Variants in C12orf42 observed in about 807,000 individuals in gnomAD.
C12orf42 encodes the protein uncharacterized protein C12orf42.
In C12orf42, 25 loss-of-function variants were observed where a neutral mutation model predicts 21.6. The observed-to-expected ratio is 1.16, with a 90% confidence interval of 0.84 to 1.62. C12orf42 has a LOEUF of 1.62. Ranked by LOEUF, C12orf42 falls within the 40% of genes most tolerant of loss-of-function variation. The probability of loss-of-function intolerance (pLI) is 0.00; values close to 1 mark genes in which losing one functional copy is unlikely to be tolerated. For synonymous variants in C12orf42, 174 were observed against 175.0 expected (o/e 0.99, Z 0.05); for missense variants, 483 against 459.3 (o/e 1.05, Z -0.47).
chr12:103,355,060 T>A (rs1445316013), intron 4 of C12orf42, among the ~76,000 whole-genome samples: 3 of 152,152 alleles, frequency 2.0e-5, no homozygotes, highest in Non-Finnish European at 2.9e-5. Context: ...CAAATAAAAA[T>A]TTAAAAATAA....
At chr12:103,057,919 G>GTAGT in the C12orf42 span, among the ~76,000 whole-genome samples, 1 of 150,046 alleles carries the variant, frequency 6.7e-6, no homozygotes, top group South Asian at 2.1e-4. Flanking sequence ...GTACCTCATT[G>GTAGT]TAGTTTTGAT....
chr12:103,277,334 T>C (rs1284678482), intron 4 of C12orf42: 1 of 255,660 alleles, frequency 3.9e-6, no homozygotes, highest in African/African-American at 2.3e-5. Flanking sequence ...AACTATATTT[T>C]CCAAAAAAAT....
intron 10 of C12orf42, among the ~76,000 whole-genome samples, chr12:103,256,181 CAT>C (rs1226594168): frequency 8.7e-6 from 1 of 114,680 alleles, no homozygotes; most frequent in East Asian, 2.5e-4. Context: ...CATATATATA[CAT>C]ATATATACAC....
chr12:103,144,717 A>G, the C12orf42 span, among the ~76,000 whole-genome samples: 3 of 152,190 alleles, frequency 2.0e-5, no homozygotes, highest in African/African-American at 7.2e-5. Flanking sequence ...AGAATTCACA[A>G]CTTAAAACAA....
At chr12:103,332,283 G>A (rs1275566301) in intron 4 of C12orf42, among the ~76,000 whole-genome samples, 1 of 152,130 alleles carries the variant, frequency 6.6e-6, no homozygotes, top group African/African-American at 2.4e-5. Flanking sequence ...CTTGCTCCAA[G>A]TTCATAAAGT....
At chr12:103,114,064 C>T in the C12orf42 span, among the ~76,000 whole-genome samples, 20 of 151,856 alleles carry the variant, frequency 1.3e-4, no homozygotes, top group African/African-American at 3.4e-4. Flanking sequence ...ATCAGAAAAC[C>T]TACTAGAAAA....
the C12orf42 span, among the ~76,000 whole-genome samples, chr12:103,196,817 G>A: frequency 1.3e-5 from 2 of 151,992 alleles, no homozygotes; most frequent in African/African-American, 2.4e-5. Flanking sequence ...GTCATTGAAT[G>A]TGAGAGGGTC....
At chr12:103,532,282 GAAA>G in the C12orf42 span, among the ~76,000 whole-genome samples, 1 of 152,106 alleles carries the variant, frequency 6.6e-6, no homozygotes, top group African/African-American at 2.4e-5. Context: ...AACCAGGTGA[GAAA>G]ATAATATGTA....
the C12orf42 span, among the ~76,000 whole-genome samples, chr12:103,218,921 G>A: frequency 4.6e-5 from 7 of 152,290 alleles, no homozygotes; most frequent in African/African-American, 1.4e-4. Context: ...CTCTGAACAC[G>A]TAGAAGAGAT....
the C12orf42 span, among the ~76,000 whole-genome samples, chr12:103,154,157 G>A: frequency 6.6e-6 from 1 of 151,998 alleles, no homozygotes; most frequent in Admixed American, 6.6e-5. Context: ...TATCAAGCTG[G>A]TGGCTACTCT....
the C12orf42 span, among the ~76,000 whole-genome samples, chr12:103,190,057 C>T: frequency 1.3e-5 from 2 of 151,990 alleles, no homozygotes; most frequent in South Asian, 4.2e-4. Context: ...GGCAATGTCC[C>T]ATCATAGGAG....
intron 4 of C12orf42, among the ~76,000 whole-genome samples, chr12:103,318,649 C>T (rs2039775161): frequency 6.6e-6 from 1 of 152,172 alleles, no homozygotes. Flanking sequence ...GAATTGCTTA[C>T]AAACTGTATA....
chr12:103,329,064 A>G (rs964766770), intron 4 of C12orf42, among the ~76,000 whole-genome samples: 5 of 152,182 alleles, frequency 3.3e-5, no homozygotes, highest in African/African-American at 1.2e-4. Context: ...GGATGCAGGC[A>G]TGCATTTAGA....
At chr12:103,362,052 C>A (rs2044163231) in intron 4 of C12orf42, among the ~76,000 whole-genome samples, 1 of 152,144 alleles carries the variant, frequency 6.6e-6, no homozygotes, top group African/African-American at 2.4e-5. Context: ...GGCCAACCAG[C>A]ACAAAAACAG....
chr12:103,169,362 C>T, the C12orf42 span, among the ~76,000 whole-genome samples: 1 of 151,782 alleles, frequency 6.6e-6, no homozygotes, highest in Non-Finnish European at 1.5e-5. Flanking sequence ...CATTCCGAAC[C>T]TCTTCCCTCT....
intron 4 of C12orf42, among the ~76,000 whole-genome samples, chr12:103,360,482 A>G (rs2043998145): frequency 6.6e-6 from 1 of 151,992 alleles, no homozygotes; most frequent in African/African-American, 2.4e-5. Flanking sequence ...TAAGTCAAAT[A>G]TCAAGGAATT....
chr12:103,085,750 T>G, the C12orf42 span, among the ~76,000 whole-genome samples: 1 of 152,050 alleles, frequency 6.6e-6, no homozygotes, highest in Non-Finnish European at 1.5e-5. Context: ...TCTCTTACTT[T>G]CCCCCTCCCT....
the C12orf42 span, among the ~76,000 whole-genome samples, chr12:103,162,529 GT>G: frequency 6.6e-6 from 1 of 151,974 alleles, no homozygotes; most frequent in African/African-American, 2.4e-5. Flanking sequence ...GTGTGTGTGT[GT>G]GTGTGTGTGC....
the C12orf42 span, among the ~76,000 whole-genome samples, chr12:103,063,762 G>A: frequency 6.6e-6 from 1 of 152,132 alleles, no homozygotes; most frequent in Non-Finnish European, 1.5e-5. Flanking sequence ...GACCCATGAG[G>A]AGATATGCTA....
Sources: allele counts gnomAD v4.1 joint callset (sites outside exome capture counted in the v4.1 genomes callset), GRCh38; gene constraint gnomAD v4.1.1; transcripts MANE v1.5; gene names NCBI Gene and HGNC (gene_info 2026-07-23, HGNC 2026-07-21).